Variants in FLT1 observed in about 807,000 individuals in gnomAD.
FLT1 encodes the protein vascular endothelial growth factor receptor 1.
Under a neutral mutation model 156.3 loss-of-function variants are expected in FLT1, and 49 were observed. That is an observed-to-expected ratio of 0.31 (90% CI 0.25 to 0.40). The LOEUF (loss-of-function observed/expected upper bound fraction) is 0.40, where lower values mean the gene tolerates loss of function less well. Among genes scored for constraint, FLT1 ranks in the 10% least tolerant of loss-of-function variants. The pLI is 1.00. For missense variants in FLT1, 1,322 were observed against 1,637.2 expected (o/e 0.81, Z 3.32); for synonymous variants, 594 against 583.8 (o/e 1.02, Z -0.25).
intron 10 of FLT1, among the ~76,000 whole-genome samples, chr13:28,412,140 C>T (rs1041608395): frequency 6.6e-6 from 1 of 152,158 alleles, no homozygotes; most frequent in South Asian, 2.1e-4. Context: ...GAGGGCACAA[C>T]CGGGGCTGGC....
intron 15 of FLT1, among the ~76,000 whole-genome samples, chr13:28,354,247 C>T (rs1872823456): frequency 6.6e-6 from 1 of 152,200 alleles, no homozygotes; most frequent in African/African-American, 2.4e-5. Flanking sequence ...TGAATCCAAA[C>T]TCCTTCCATT....
intron 10 of FLT1, among the ~76,000 whole-genome samples, chr13:28,408,932 T>C (rs1875976282): frequency 6.6e-6 from 1 of 152,202 alleles, no homozygotes; most frequent in Non-Finnish European, 1.5e-5. Context: ...GTGTACTCCA[T>C]GTCATCTCTG....
In FLT1 at chr13:28,369,167, T is replaced by G. The variant is rs115816066; in HGVS notation, c.2117-11482A>C. Among the ~76,000 whole-genome samples the G allele has an allele frequency of 9.8e-3, 1,485 of 152,300 alleles. 26 individuals carry two copies. Among genetic ancestry groups the G allele is most frequent in the African/African-American group, 0.034 (1,412 of 41,552 alleles). ...TTATATATCCAGTCAAACTTTGGAT[T>G]TTTGGAAAACTATGTCTGAGGAACA... On this transcript the variant is annotated intron_variant, in intron 14 of 29. Transcript: ENST00000282397.
At chr13:28,399,755 C>A (rs1190858127) in intron 11 of FLT1, among the ~76,000 whole-genome samples, 2 of 152,182 alleles carry the variant, frequency 1.3e-5, no homozygotes, top group Admixed American at 6.5e-5. Flanking sequence ...ACACATTACT[C>A]GTAGTCAAGC....
rs750461726 is a variant in FLT1, at chr13:28,357,601, G to A, written c.2201C>T (p.Thr734Ile). ...EDEGVYHCKA[T>I]NQKGSVESSA... ...ACTTTCCACAGAGCCCTTCTGGTTGGTGGCTTTGCAGTGATAGACACCTTC... is the reference window on the plus strand; with the variant it reads ...ACTTTCCACAGAGCCCTTCTGGTTGATGGCTTTGCAGTGATAGACACCTTC... The change falls in exon 15 of 30, where the codon ACC becomes ATC. Residue 734 changes from threonine to isoleucine, a missense_variant. By Grantham distance (89) the Thr-to-Ile change is moderately conservative. Coordinates refer to ENST00000282397, the MANE Select transcript of FLT1 (RefSeq NM_002019.4). 1.9e-6 allele frequency: 3 copies of A among 1,614,070 alleles called. No individual in the cohort carries two copies. In the African/African-American group the frequency reaches 4.0e-5, roughly 22 times the overall value.
chr13:28,342,135 G>A (rs758566274), intron 16 of FLT1, among the ~76,000 whole-genome samples: 1 of 152,042 alleles, frequency 6.6e-6, no homozygotes, highest in African/African-American at 2.4e-5. Flanking sequence ...TGCCCGCCTC[G>A]GCCTCCCAAA....
chr13:28,361,037 T>C (rs1042919019), intron 14 of FLT1, among the ~76,000 whole-genome samples: 11 of 151,914 alleles, frequency 7.2e-5, no homozygotes, highest in African/African-American at 2.2e-4. Context: ...CCAGCACTTG[T>C]GGGAGGCCGA....
At chr13:28,317,694 G>C (rs142971740) in intron 24 of FLT1, 97 bp from the exon 25 acceptor site, 1 of 790,582 alleles carries the variant, frequency 1.3e-6, no homozygotes, top group African/African-American at 1.7e-5. Context: ...TCCCTTTAAA[G>C]CTACGTTTTA....
chr13:28,329,473 C>A (rs1871829893), intron 19 of FLT1, 142 bp downstream of exon 19: 3 of 692,002 alleles, frequency 4.3e-6, no homozygotes, highest in Admixed American at 4.1e-5. Context: ...GATGCACAAG[C>A]TGTTTCTTCT....
chr13:28,389,722 T>C (rs781526102), intron 13 of FLT1, 74 bp downstream of exon 13: 1 of 1,611,836 alleles, frequency 6.2e-7, no homozygotes, highest in African/African-American at 1.3e-5. Context: ...CATTACTTTG[T>C]GTGGTACAAT....
At chr13:28,335,115 T>C (rs1388482143) in intron 17 of FLT1, among the ~76,000 whole-genome samples, 1 of 152,148 alleles carries the variant, frequency 6.6e-6, no homozygotes, top group African/African-American at 2.4e-5. Flanking sequence ...CTGCCTTTTA[T>C]ATCAGGGAAC....
intron 11 of FLT1, among the ~76,000 whole-genome samples, chr13:28,405,126 C>T (rs1304078509): frequency 6.6e-6 from 1 of 151,976 alleles, no homozygotes; most frequent in Non-Finnish European, 1.5e-5. Context: ...GCCACTAGGT[C>T]TGAGATCCAC....
At chr13:28,414,979 A>G (rs1481951643) in intron 10 of FLT1, among the ~76,000 whole-genome samples, 1 of 152,118 alleles carries the variant, frequency 6.6e-6, no homozygotes, top group African/African-American at 2.4e-5. Context: ...TAATGGATAC[A>G]TGGGATCTGC....
At chr13:28,411,731 TGA>T (rs1279578840) in intron 10 of FLT1, among the ~76,000 whole-genome samples, 4 of 151,688 alleles carry the variant, frequency 2.6e-5, no homozygotes, top group Non-Finnish European at 5.9e-5. Flanking sequence ...GGAGTGTGGG[TGA>T]GTGGTGATTT....
intron 12 of FLT1, chr13:28,396,686 G>A (rs1349176160): frequency 1.8e-6 from 1 of 549,188 alleles, no homozygotes; most frequent in Non-Finnish European, 3.3e-6. Context: ...TGAAGGGAAT[G>A]AAAAAATGAG....
Position 28,434,104 on chromosome 13 carries a change from T to A in FLT1, c.630A>T (p.Thr210=). ...TTGTCTTATACAAATGCCCATTGAC[T>A]GTTGCTTCACAGGTCAGAAGCCCTA... ...KEIGLLTCEA[T]VNGHLYKTNY... Residue 210 remains threonine (T), a synonymous_variant, in exon 5 of 30, where the codon ACA becomes ACT. Transcript: ENST00000282397. The A allele has an allele frequency of 1.2e-5, 19 of 1,614,224 alleles. No individual in the cohort carries two copies. The highest frequency in any genetic ancestry group is 1.5e-5 in the Non-Finnish European group (18 of 1,180,034).
rs370784822 is a variant in FLT1, at chr13:28,435,411, C to A, written c.514-1191G>T. ...GTCATTGCTCCATAAAGTGGCCCAG[C>A]CAAATTCCCCTGATGCCAGGTTGCC... On this transcript the variant is annotated intron_variant, in intron 4 of 29. Coordinates refer to ENST00000282397, the MANE Select transcript of FLT1 (RefSeq NM_002019.4). 1.2e-4 allele frequency among the ~76,000 whole-genome samples: 18 copies of A among 152,232 alleles called. No homozygotes were observed. The East Asian group carries it at 3.3e-3, about 28-fold the overall frequency.
At chr13:28,427,045 C>A in intron 10 of FLT1, 114 bp downstream of exon 10, 1 of 1,001,824 alleles carries the variant, frequency 1.0e-6, no homozygotes, top group Non-Finnish European at 1.6e-6. Context: ...AGAGCCTTTG[C>A]CTCAAATATA....
chr13:28,392,051 G>A (rs888424618), intron 12 of FLT1, among the ~76,000 whole-genome samples: 3 of 152,164 alleles, frequency 2.0e-5, no homozygotes, highest in Admixed American at 6.5e-5. Flanking sequence ...ACGTTAAGGG[G>A]ACAATAGTCC....
Sources: gnomAD v4.1 joint callset for allele counts (sites outside exome capture counted in the v4.1 genomes callset) on GRCh38, gnomAD v4.1.1 for gene constraint, MANE v1.5 for transcripts, NCBI Gene and HGNC (gene_info 2026-07-23, HGNC 2026-07-21) for gene names.